The following DMD variants were observed in gnomAD, a reference collection of about 807,000 sequenced individuals.
The protein encoded by DMD is mutant dystrophin.
In DMD, 63 loss-of-function variants were observed where a neutral mutation model predicts 330.1. The observed-to-expected ratio is 0.19, with a 90% confidence interval of 0.16 to 0.24. The LOEUF is 0.24. DMD is among the 10% of genes least tolerant of loss of function. The pLI is 1.00. For missense variants in DMD, 3,344 were observed against 2,684.1 expected (o/e 1.25, Z -5.43); for synonymous variants, 1,223 against 959.8 (o/e 1.27, Z -5.07).
At chrX:31,378,307 A>G (rs1294899046) in intron 60 of DMD, among the ~76,000 whole-genome samples, 2 of 110,944 alleles carry the variant, frequency 1.8e-5, no homozygotes, top group Non-Finnish European at 3.8e-5. Context: ...ACATCACACC[A>G]ATTTTAAATC....
intron 11 of DMD, among the ~76,000 whole-genome samples, chrX:32,621,097 T>C (rs942405822): frequency 1.1e-4 from 12 of 111,366 alleles, no homozygotes; most frequent in African/African-American, 3.6e-4. Context: ...GGTTATAATG[T>C]GATCATACTA....
chrX:32,662,085 C>A (rs1168388972), intron 9 of DMD, among the ~76,000 whole-genome samples: 1 of 111,251 alleles, frequency 9.0e-6, no homozygotes, highest in African/African-American at 3.3e-5. Flanking sequence ...AACAAAGTTT[C>A]TTTATATTTT....
At chrX:31,168,529 C>T (rs1214913588) in intron 74 of DMD, among the ~76,000 whole-genome samples, 4 of 111,501 alleles carry the variant, frequency 3.6e-5, no homozygotes, top group Admixed American at 2.9e-4. Context: ...TTTTTTCATC[C>T]TGAAGTGGCA....
intron 43 of DMD, among the ~76,000 whole-genome samples, chrX:32,283,747 C>A (rs2148433936): frequency 9.0e-6 from 1 of 111,436 alleles, no homozygotes; most frequent in East Asian, 2.8e-4. Context: ...ACAACATGTC[C>A]ATCCATTTAT....
intron 7 of DMD, among the ~76,000 whole-genome samples, chrX:32,748,775 G>A (rs1190021845): frequency 8.9e-6 from 1 of 112,061 alleles, no homozygotes; most frequent in Non-Finnish European, 1.9e-5. Context: ...TTATACATGT[G>A]AACAAATTTT....
intron 47 of DMD, among the ~76,000 whole-genome samples, chrX:31,926,100 G>T (rs1039316932): frequency 1.3e-4 from 14 of 110,311 alleles, no homozygotes; most frequent in Admixed American, 3.9e-4. Flanking sequence ...AGAAGTGTGG[G>T]TGAAGATCAT....
In DMD at chrX:32,598,201, G is replaced by A. The variant is rs1333392327; in HGVS notation, c.1483-2325C>T. Among the ~76,000 whole-genome samples, 4 of 112,138 alleles carry A rather than the reference G, an allele frequency of 3.6e-5. No individual in the cohort carries two copies. The Admixed American group carries it at 3.8e-4, about 11-fold the overall frequency. On this transcript the variant is annotated intron_variant, in intron 12 of 78. Transcript: ENST00000357033. ...CTACATTTTCAAGTGAAGCAATTTAGAATAAAATGACTATGCATCTATTTT... is the reference window on the plus strand; with the variant it reads ...CTACATTTTCAAGTGAAGCAATTTAAAATAAAATGACTATGCATCTATTTT...
chrX:32,445,982 A>G (rs751277127), intron 27 of DMD, among the ~76,000 whole-genome samples: 4 of 111,075 alleles, frequency 3.6e-5, no homozygotes, highest in Non-Finnish European at 7.6e-5. Flanking sequence ...GAGTTGGAAG[A>G]CAGATTTTAG....
chrX:31,650,591 G>A (rs2080394445), intron 54 of DMD, among the ~76,000 whole-genome samples: 1 of 111,583 alleles, frequency 9.0e-6, no homozygotes, highest in African/African-American at 3.3e-5. Context: ...AAATTATATT[G>A]CCAAGGGACG....
chrX:33,019,189 T>G (rs2093865907), intron 2 of DMD, among the ~76,000 whole-genome samples: 1 of 111,639 alleles, frequency 9.0e-6, no homozygotes. Context: ...GAGGGAGTAA[T>G]TCATAGCTAT....
chrX:33,011,367 T>C (rs5928144), intron 2 of DMD, among the ~76,000 whole-genome samples: 9,838 of 111,221 alleles, frequency 0.088, 573 homozygotes, highest in African/African-American at 0.19. Context: ...ACCTGACAAG[T>C]CATACTTCTT....
At chrX:32,765,110 ATCAAC>A (rs1386462231) in intron 7 of DMD, among the ~76,000 whole-genome samples, 2 of 110,473 alleles carry the variant, frequency 1.8e-5, no homozygotes, top group Admixed American at 9.7e-5. Flanking sequence ...GAAATTTCTG[ATCAAC>A]TCATTTATTC....
rs749950829 is a variant in DMD, at chrX:31,474,712, AAAAATAAAAT to A, written c.8937+3384_8937+3393del. Among the ~76,000 whole-genome samples the A allele has an allele frequency of 1.8e-3, 176 of 96,026 alleles. 4 individuals carry two copies. Among genetic ancestry groups the A allele is most frequent in the African/African-American group, 5.4e-3 (126 of 23,241 alleles). The allele number at this position is 96,026 out of a possible 115,157, so 83.4% of individuals were successfully genotyped here. A position where few individuals can be genotyped will look rare whatever the true frequency, so the allele number is the denominator to read the frequency against. On this transcript the variant is annotated intron_variant, in intron 59 of 78. Coordinates refer to ENST00000357033, the MANE Select transcript of DMD (RefSeq NM_004006.3). ...TGACAGAGCGAGACTGTCGCAAAAAAAAAATAAAATAAAATAAAATAAAATAAAATAAAAT... is the reference window on the plus strand; with the variant it reads ...TGACAGAGCGAGACTGTCGCAAAAAAAAAATAAAATAAAATAAAATAAAAT...
intron 1 of DMD, among the ~76,000 whole-genome samples, chrX:33,115,861 T>C (rs945556086): frequency 2.5e-4 from 28 of 110,372 alleles, no homozygotes; most frequent in African/African-American, 8.8e-4. Flanking sequence ...TTTAAAAACA[T>C]ATTATTTGAT....
At chrX:31,731,049 G>A (rs867829101) in intron 51 of DMD, among the ~76,000 whole-genome samples, 10 of 111,552 alleles carry the variant, frequency 9.0e-5, no homozygotes, top group African/African-American at 2.9e-4. Context: ...AATTGCTTTT[G>A]GTAATAGTAA....
At chrX:31,757,024 T>TAACC (rs1269265396) in intron 51 of DMD, among the ~76,000 whole-genome samples, 1 of 110,336 alleles carries the variant, frequency 9.1e-6, no homozygotes, top group African/African-American at 3.3e-5. Flanking sequence ...AAATAATATA[T>TAACC]AACCAATACA....
chrX:31,336,365 T>C (rs968129485), intron 61 of DMD, among the ~76,000 whole-genome samples: 1 of 112,133 alleles, frequency 8.9e-6, no homozygotes, highest in Non-Finnish European at 1.9e-5. Flanking sequence ...AGGCCAGAGA[T>C]AATGCACAGG....
intron 20 of DMD, among the ~76,000 whole-genome samples, chrX:32,486,553 A>T (rs913343430): frequency 2.7e-5 from 3 of 110,967 alleles, no homozygotes; most frequent in African/African-American, 9.8e-5. Flanking sequence ...GTCAATCCTA[A>T]GCCAACAGGA....
intron 41 of DMD, among the ~76,000 whole-genome samples, chrX:32,323,053 G>C (rs772466941): frequency 8.9e-6 from 1 of 111,807 alleles, no homozygotes; most frequent in African/African-American, 3.3e-5. Context: ...GTCATCGATC[G>C]AACACATTTG....
Sources: gnomAD v4.1 joint callset for allele counts (sites outside exome capture counted in the v4.1 genomes callset) on GRCh38, gnomAD v4.1.1 for gene constraint, MANE v1.5 for transcripts, NCBI Gene and HGNC (gene_info 2026-07-23, HGNC 2026-07-21) for gene names.